The following IL1RAPL1 variants were observed in gnomAD, a reference collection of about 807,000 sequenced individuals.
IL1RAPL1 encodes interleukin-1 receptor accessory protein-like 1.
IL1RAPL1 carries 3 observed loss-of-function variants against 48.4 expected under a neutral mutation model. The ratio of observed to expected loss-of-function variants is 0.06; its 90% CI spans 0.03 to 0.16. The LOEUF is 0.16. Ranked by LOEUF, IL1RAPL1 falls within the 10% of genes least tolerant of loss-of-function variation. The pLI is 1.00. For synonymous variants in IL1RAPL1, 185 were observed against 187.7 expected (o/e 0.99, Z 0.12); for missense variants, 349 against 530.6 (o/e 0.66, Z 3.36).
chrX:29,570,690 G>T (rs1397097816), intron 5 of IL1RAPL1, among the ~76,000 whole-genome samples: 2 of 111,849 alleles, frequency 1.8e-5, no homozygotes, highest in Non-Finnish European at 3.8e-5. Flanking sequence ...AAAAGGCATA[G>T]ATGCATATCA....
chrX:29,531,331 A>G (rs766103931), intron 5 of IL1RAPL1, among the ~76,000 whole-genome samples: 1 of 111,959 alleles, frequency 8.9e-6, no homozygotes, highest in South Asian at 3.7e-4. Context: ...ATCATCAAAA[A>G]CACAAGTTGT....
At chrX:29,860,836 T>C (rs912348283) in intron 6 of IL1RAPL1, among the ~76,000 whole-genome samples, 4 of 112,478 alleles carry the variant, frequency 3.6e-5, no homozygotes, top group Non-Finnish European at 7.5e-5. Context: ...GCATGTGTCT[T>C]GCACAAAATC....
At chrX:28,945,899 A>ATG (rs1260386957) in intron 2 of IL1RAPL1, among the ~76,000 whole-genome samples, 3 of 94,783 alleles carry the variant, frequency 3.2e-5, no homozygotes, top group African/African-American at 7.9e-5. Flanking sequence ...ATATATATAT[A>ATG]TATATGTGTG....
intron 2 of IL1RAPL1, among the ~76,000 whole-genome samples, chrX:28,862,545 C>T (rs949034396): frequency 1.9e-4 from 21 of 111,677 alleles, no homozygotes; most frequent in African/African-American, 6.2e-4. Context: ...GGCTCAACTT[C>T]AGGCCACTCC....
intron 5 of IL1RAPL1, among the ~76,000 whole-genome samples, chrX:29,582,844 C>T (rs1289708388): frequency 1.5e-5 from 1 of 67,226 alleles, no homozygotes; most frequent in Non-Finnish European, 2.8e-5. Context: ...AATAATGCCG[C>T]AATAAACATA....
chrX:29,802,791 G>GTATATATA (rs1195101220), intron 6 of IL1RAPL1, among the ~76,000 whole-genome samples: 119 of 34,041 alleles, frequency 3.5e-3, no homozygotes, highest in Non-Finnish European at 5.3e-3. Context: ...ATGTGTGTGT[G>GTATATATA]TATATATATA....
intron 1 of IL1RAPL1, among the ~76,000 whole-genome samples, chrX:28,746,382 C>T (rs1014640831): frequency 4.5e-5 from 5 of 111,545 alleles, no homozygotes; most frequent in East Asian, 2.8e-4. Context: ...TTACCATAAG[C>T]GGTAGAATGG....
intron 6 of IL1RAPL1, among the ~76,000 whole-genome samples, chrX:29,847,753 T>C (rs950311286): frequency 8.9e-6 from 1 of 112,014 alleles, no homozygotes; most frequent in Non-Finnish European, 1.9e-5. Flanking sequence ...TAATGTGCTT[T>C]ATCTTTGATT....
chrX:28,986,325 G>A (rs763737880), intron 2 of IL1RAPL1, among the ~76,000 whole-genome samples: 2 of 111,983 alleles, frequency 1.8e-5, no homozygotes, highest in Non-Finnish European at 3.8e-5. Context: ...TTAAAAATTC[G>A]TAACTGCATT....
intron 2 of IL1RAPL1, among the ~76,000 whole-genome samples, chrX:29,139,419 A>C (rs1388655426): frequency 9.0e-6 from 1 of 111,296 alleles, no homozygotes; most frequent in Admixed American, 9.6e-5. Context: ...ATAATATATA[A>C]TTCTGAGCAC....
chrX:28,820,975 A>C (rs1223665299), intron 2 of IL1RAPL1, among the ~76,000 whole-genome samples: 1 of 111,710 alleles, frequency 9.0e-6, no homozygotes, highest in East Asian at 2.8e-4. Flanking sequence ...AGAGAGTACA[A>C]AGGGGCCGTA....
At chrX:28,711,414 G>T (rs1935438820) in intron 1 of IL1RAPL1, among the ~76,000 whole-genome samples, 1 of 111,345 alleles carries the variant, frequency 9.0e-6, no homozygotes, top group Non-Finnish European at 1.9e-5. Flanking sequence ...CCCAAGTGAA[G>T]ATTTGAGTTG....
chrX:29,101,869 G>A (rs1173442393), intron 2 of IL1RAPL1, among the ~76,000 whole-genome samples: 5 of 111,183 alleles, frequency 4.5e-5, no homozygotes, highest in East Asian at 2.9e-4. Flanking sequence ...CCCGGGAGGC[G>A]GAGGTTGCAG....
At chrX:29,556,091 C>T (rs1921991496) in intron 5 of IL1RAPL1, among the ~76,000 whole-genome samples, 1 of 111,512 alleles carries the variant, frequency 9.0e-6, no homozygotes, top group Non-Finnish European at 1.9e-5. Context: ...CTACCTCCCT[C>T]GTGAGTTGTA....
intron 2 of IL1RAPL1, among the ~76,000 whole-genome samples, chrX:28,825,364 G>A (rs1409276468): frequency 1.8e-5 from 2 of 111,199 alleles, no homozygotes; most frequent in Non-Finnish European, 3.8e-5. Flanking sequence ...AGCCTGCAGA[G>A]CTTTCTTTAA....
At chrX:28,739,955 AC>A (rs953934506) in intron 1 of IL1RAPL1, among the ~76,000 whole-genome samples, 3 of 107,128 alleles carry the variant, frequency 2.8e-5, no homozygotes, top group African/African-American at 1.1e-4. Flanking sequence ...TAGACACTGA[AC>A]TCCCAAGATG....
At chrX:29,763,188 A>G (rs939503439) in intron 6 of IL1RAPL1, among the ~76,000 whole-genome samples, 1 of 110,573 alleles carries the variant, frequency 9.0e-6, no homozygotes, top group Non-Finnish European at 1.9e-5. Context: ...CTCTTGTGCG[A>G]TAGTATCAAG....
At chrX:28,939,849 C>T (rs1188442344) in intron 2 of IL1RAPL1, among the ~76,000 whole-genome samples, 2 of 110,988 alleles carry the variant, frequency 1.8e-5, no homozygotes, top group Non-Finnish European at 3.8e-5. Flanking sequence ...TTAGTATGTT[C>T]AGAGGCAACT....
chrX:28,993,231 A>T (rs1223699973), intron 2 of IL1RAPL1, among the ~76,000 whole-genome samples: 2 of 112,300 alleles, frequency 1.8e-5, no homozygotes, highest in East Asian at 5.6e-4. Flanking sequence ...ATACAGCAAA[A>T]ATGAAAGGTT....
Sources: gnomAD v4.1 joint callset for allele counts (sites outside exome capture counted in the v4.1 genomes callset) on GRCh38, gnomAD v4.1.1 for gene constraint, MANE v1.5 for transcripts, NCBI Gene and HGNC (gene_info 2026-07-23, HGNC 2026-07-21) for gene names.